Variants in UBE2V1 observed in about 807,000 individuals in gnomAD.
UBE2V1 encodes the protein ubiquitin-conjugating enzyme E2 variant 1.
In UBE2V1, 15 loss-of-function variants were observed where a neutral mutation model predicts 19.6. That is an observed-to-expected ratio of 0.77 (90% CI 0.51 to 1.18). The LOEUF (loss-of-function observed/expected upper bound fraction) is 1.18, where lower values mean the gene tolerates loss of function less well. Ranked by LOEUF, UBE2V1 falls within the 50% of genes most tolerant of loss-of-function variation. The pLI, the probability that UBE2V1 is intolerant of heterozygous loss-of-function variation, is 0.00. For missense variants in UBE2V1, 125 were observed against 184.8 expected (o/e 0.68, Z 1.88); for synonymous variants, 60 against 60.7 (o/e 0.99, Z 0.05).
intron 2 of UBE2V1, among the ~76,000 whole-genome samples, chr20:50,087,260 T>C (rs886392029): frequency 2.0e-5 from 3 of 150,802 alleles, no homozygotes; most frequent in Non-Finnish European, 3.0e-5. Flanking sequence ...GCCAGGCATA[T>C]TGGCAGGTGC....
chr20:50,100,321 C>A (rs980690816), intron 1 of UBE2V1, among the ~76,000 whole-genome samples: 2 of 148,862 alleles, frequency 1.3e-5, no homozygotes, highest in African/African-American at 2.5e-5. Context: ...GGCGCGGTGG[C>A]TCACACCTGT....
At chr20:50,093,491 C>T (rs1048057061) in intron 2 of UBE2V1, among the ~76,000 whole-genome samples, 2 of 152,104 alleles carry the variant, frequency 1.3e-5, no homozygotes, top group Non-Finnish European at 2.9e-5. Context: ...CCTTGGGGAA[C>T]CAGGATAATA....
intron 1 of UBE2V1, among the ~76,000 whole-genome samples, chr20:50,112,600 G>C (rs2080831365): frequency 1.3e-5 from 2 of 152,078 alleles, no homozygotes; most frequent in Admixed American, 1.3e-4. Context: ...CAACCGATAG[G>C]GGATCCTCTC....
At chr20:50,092,315 C>A (rs982134398) in intron 2 of UBE2V1, among the ~76,000 whole-genome samples, 1 of 152,140 alleles carries the variant, frequency 6.6e-6, no homozygotes. Context: ...GAATAAGACT[C>A]CATCTCAAAA....
chr20:50,111,362 G>C, intron 1 of UBE2V1: 1 of 999,332 alleles, frequency 1.0e-6, no homozygotes, highest in Non-Finnish European at 1.2e-6. Context: ...CCAACCGAGT[G>C]ACTGCAAGCA....
chr20:50,096,711 T>G lies in UBE2V1; in HGVS notation c.132A>C (p.Thr44=). 6.2e-7 allele frequency: 1 copy of G among 1,614,172 alleles called. No individual in the cohort carries two copies. The highest frequency in any genetic ancestry group is 8.5e-7 in the Non-Finnish European group (1 of 1,180,018). The change falls in exon 2 of 4, where the codon ACA becomes ACC. Residue 44 remains threonine, a synonymous_variant. Coordinates refer to ENST00000371674, the MANE Select transcript of UBE2V1 (RefSeq NM_001032288.3). ...SWGLEDDEDM[T]LTRWTGMIIG... ...TTATCATCCCTGTCCATCTTGTAAG[T>G]GTCATGTCTTCGTCATCTTCTAGAC...
intron 2 of UBE2V1, among the ~76,000 whole-genome samples, chr20:50,094,638 C>T (rs1795850912): frequency 6.6e-6 from 1 of 152,002 alleles, no homozygotes; most frequent in Admixed American, 6.6e-5. Flanking sequence ...AGGCCACATA[C>T]TGTAGAATTC....
rs116052780 is a variant in UBE2V1, at chr20:50,087,903, C to T, written c.172-3649G>A. Among the ~76,000 whole-genome samples, 650 of 152,192 alleles carry T rather than the reference C, an allele frequency of 4.3e-3. 3 individuals carry two copies. Among genetic ancestry groups the T allele is most frequent in the African/African-American group, 0.015 (619 of 41,512 alleles). ...ACACACATACGAAAGACTGGCAAAA[C>T]ATGGCACCAGGTATAGACGATACAT... On this transcript the variant is annotated intron_variant, in intron 2 of 3. Coordinates refer to ENST00000371674, the MANE Select transcript of UBE2V1 (RefSeq NM_001032288.3).
chr20:50,097,704 T>G (rs1200091102), intron 1 of UBE2V1, among the ~76,000 whole-genome samples: 1 of 152,156 alleles, frequency 6.6e-6, no homozygotes, highest in Non-Finnish European at 1.5e-5. Flanking sequence ...TATGCACTAT[T>G]TTCTCTGGAA....
intron 1 of UBE2V1, among the ~76,000 whole-genome samples, chr20:50,109,594 C>T (rs560739997): frequency 3.5e-4 from 53 of 151,994 alleles, no homozygotes; most frequent in Non-Finnish European, 5.6e-4. Flanking sequence ...ACTAAAAATA[C>T]AAAAATTAGC....
chr20:50,081,900 T>C lies in UBE2V1; in HGVS notation c.*868A>G. The C allele has an allele frequency of 3.8e-6, 1 of 261,848 alleles. No individual in the cohort carries two copies. Among genetic ancestry groups the C allele is most frequent in the Non-Finnish European group, 7.2e-6 (1 of 139,034 alleles). The allele number at this position is 261,848 out of a possible 1,614,324, so 16.2% of individuals were successfully genotyped here. The stretch of plus-strand genomic sequence containing the variant: ...GGCAGGGCTGAGGACCCAATATTCA[T>C]TTCCCAGGCTGGTGGAGAGTGAGTG... On this transcript the variant is annotated 3_prime_UTR_variant, in exon 4 of 4. Transcript: ENST00000371674.
At chr20:50,115,521 C>A (rs777959402), upstream of UBE2V1, 1 of 1,596,168 alleles carries the variant, frequency 6.3e-7, no homozygotes, top group Non-Finnish European at 8.6e-7. Flanking sequence ...AGTCTTCCTT[C>A]ATCACTCAGT....
intron 1 of UBE2V1, among the ~76,000 whole-genome samples, chr20:50,107,521 C>A (rs562288034): frequency 6.6e-6 from 1 of 152,288 alleles, no homozygotes; most frequent in South Asian, 2.1e-4. Context: ...GTCAGGACAA[C>A]TGGAGAAGGG....
chr20:50,097,498 G>A (rs1312440721), intron 1 of UBE2V1, among the ~76,000 whole-genome samples: 1 of 152,158 alleles, frequency 6.6e-6, no homozygotes, highest in African/African-American at 2.4e-5. Context: ...CCACAGTACC[G>A]GGTTCAGGCT....
chr20:50,084,418 A>C, intron 2 of UBE2V1, 164 bp from the exon 3 acceptor site: 1 of 1,251,704 alleles, frequency 8.0e-7, no homozygotes, highest in Non-Finnish European at 1.1e-6. Flanking sequence ...ACTAGTTCCT[A>C]CACTAGTTTA....
At chr20:50,088,206 G>A (rs1299938939) in intron 2 of UBE2V1, among the ~76,000 whole-genome samples, 2 of 151,716 alleles carry the variant, frequency 1.3e-5, no homozygotes, top group Non-Finnish European at 2.9e-5. Context: ...AGAAAAACCT[G>A]AGAAATGTCA....
chr20:50,115,339 G>A (rs1009980367), upstream of UBE2V1: 11 of 1,342,784 alleles, frequency 8.2e-6, no homozygotes, highest in African/African-American at 1.6e-4. Context: ...TGCCAGCACT[G>A]GCTACAGGTG....
chr20:50,103,595 G>A (rs184794277), intron 1 of UBE2V1, among the ~76,000 whole-genome samples: 65 of 152,086 alleles, frequency 4.3e-4, no homozygotes, highest in South Asian at 8.3e-4. Context: ...CAGTAGAGAC[G>A]GGGTTTTACC....
chr20:50,098,823 A>G (rs1162534399), intron 1 of UBE2V1: 1 of 677,812 alleles, frequency 1.5e-6, no homozygotes, highest in Non-Finnish European at 1.8e-6. Context: ...TTACAAGAAA[A>G]ATATTAAATA....
Sources: allele counts gnomAD v4.1 joint callset (sites outside exome capture counted in the v4.1 genomes callset), GRCh38; gene constraint gnomAD v4.1.1; transcripts MANE v1.5; gene names NCBI Gene and HGNC (gene_info 2026-07-23, HGNC 2026-07-21).